Variants in RYR3 observed in about 807,000 individuals in gnomAD.
RYR3 encodes the protein brain ryanodine receptor-calcium release channel.
A neutral mutation model predicts 584.3 loss-of-function variants in RYR3; 207 were observed. That is an observed-to-expected ratio of 0.35 (90% confidence interval 0.32 to 0.40). The LOEUF is 0.40. Ranked by LOEUF, RYR3 falls within the 10% of genes least tolerant of loss-of-function variation. RYR3 has a pLI of 1.00. For synonymous variants in RYR3, 2,416 were observed against 2,248.5 expected (o/e 1.07, Z -2.11); for missense variants, 5,616 against 6,089.2 (o/e 0.92, Z 2.59).
Position 33,579,111 on chromosome 15 carries a change from G to T in RYR3, c.1269-865G>T, listed in dbSNP as rs570827626. 3.3e-5 allele frequency among the ~76,000 whole-genome samples: 5 copies of T among 152,274 alleles called. 1 individual carries two copies. In the South Asian group the frequency reaches 1.0e-3, roughly 32 times the overall value. On this transcript the variant is annotated intron_variant, in intron 12 of 103. Coordinates refer to ENST00000634891, the MANE Select transcript of RYR3 (RefSeq NM_001036.6). ...GAGATGGAAGGGCAGGTAACATGGG[G>T]TTGGGGAACACCAAGAAACAAAGAG...
At position 33,853,028 on chromosome 15, in the gene RYR3, T is replaced by A. The variant is rs2079265974; in HGVS notation, c.13629-17T>A. The A allele has an allele frequency of 5.0e-6, 8 of 1,600,100 alleles. No homozygotes were observed. Among genetic ancestry groups the A allele is most frequent in the Non-Finnish European group, 6.8e-6 (8 of 1,172,884 alleles). On this transcript the variant is annotated splice_polypyrimidine_tract_variant and intron_variant, in intron 94 of 103. Transcript: ENST00000634891. ...TGTTAAGAATGAAGAACCAACCTTT[T>A]TCGTTTTGTTTTTCAGATCTTTTCC...
At chr15:33,773,680 A>G (rs1261495656) in intron 64 of RYR3, 65 bp downstream of exon 64, 4 of 1,019,696 alleles carry the variant, frequency 3.9e-6, no homozygotes, top group Non-Finnish European at 6.0e-6. Context: ...AGCCTTTTAC[A>G]CACTTAATGA....
intron 1 of RYR3, among the ~76,000 whole-genome samples, chr15:33,404,059 A>T (rs1364024529): frequency 6.6e-6 from 1 of 152,354 alleles, no homozygotes; most frequent in South Asian, 2.1e-4. Flanking sequence ...CTGTTCTTTC[A>T]GAAGTGTTTT....
At chr15:33,705,101 T>TTCTCTCTCTCTCTC (rs10534581) in intron 42 of RYR3, among the ~76,000 whole-genome samples, 2,054 of 142,124 alleles carry the variant, frequency 0.014, 26 homozygotes, top group Admixed American at 0.017. Context: ...CACACACTCT[T>TTCTCTCTCTCTCTC]TCTCTCTCTC....
chr15:33,584,287 C>A, intron 14 of RYR3, 108 bp from the exon 15 acceptor site: 1 of 607,724 alleles, frequency 1.6e-6, no homozygotes, highest in Non-Finnish European at 2.9e-6. Context: ...GATTGGCATT[C>A]AGTTCCTTTT....
intron 32 of RYR3, among the ~76,000 whole-genome samples, chr15:33,658,940 G>A (rs7178736): frequency 0.78 from 117,894 of 151,638 alleles, 46,234 homozygotes; most frequent in East Asian, 0.86. Context: ...GGAGAATTAG[G>A]GCTTTGAGAG....
intron 101 of RYR3, 146 bp downstream of exon 101, chr15:33,860,805 T>A: frequency 1.4e-6 from 1 of 713,208 alleles, no homozygotes; most frequent in Non-Finnish European, 2.3e-6. Flanking sequence ...CTCTGCACCC[T>A]GCCATACCCC....
chr15:33,437,904 G>A (rs2045871622), intron 1 of RYR3, among the ~76,000 whole-genome samples: 1 of 152,016 alleles, frequency 6.6e-6, no homozygotes, highest in Non-Finnish European at 1.5e-5. Context: ...TAAATTTTTT[G>A]TAGAAACAGT....
chr15:33,844,792 A>T, intron 92 of RYR3, 70 bp from the exon 93 acceptor site: 1 of 1,325,066 alleles, frequency 7.5e-7, no homozygotes, highest in Non-Finnish European at 1.1e-6. Flanking sequence ...ACAATATAAA[A>T]TATGTGGGGA....
intron 16 of RYR3, among the ~76,000 whole-genome samples, chr15:33,599,507 G>A (rs549392977): frequency 3.3e-5 from 5 of 152,298 alleles, no homozygotes; most frequent in East Asian, 3.9e-4. Flanking sequence ...GACTGGAAGC[G>A]GACAGGGAAC....
At chr15:33,809,618 T>C (rs1474291652) in intron 70 of RYR3, among the ~76,000 whole-genome samples, 1 of 151,518 alleles carries the variant, frequency 6.6e-6, no homozygotes, top group Non-Finnish European at 1.5e-5. Flanking sequence ...CTCTCTTTTT[T>C]TTTTTTTTTT....
Position 33,319,234 on chromosome 15 carries a change from T to G in RYR3, c.51+8138T>G, listed in dbSNP as rs114610764. Among the ~76,000 whole-genome samples the G allele has an allele frequency of 7.1e-3, 1,082 of 152,326 alleles. 11 individuals carry two copies. Among genetic ancestry groups the G allele is most frequent in the African/African-American group, 0.025 (1,049 of 41,570 alleles). Reference sequence around the variant, plus strand: ...AAGAGAAGTATTGATTTGAATCGTGTTGCTCTATACCATGGACCAGATCCA... The same window carrying G: ...AAGAGAAGTATTGATTTGAATCGTGGTGCTCTATACCATGGACCAGATCCA... On this transcript the variant is annotated intron_variant, in intron 1 of 103. Coordinates refer to ENST00000634891, the MANE Select transcript of RYR3 (RefSeq NM_001036.6).
intron 87 of RYR3, among the ~76,000 whole-genome samples, chr15:33,835,785 GGA>G (rs1279079969): frequency 6.6e-6 from 1 of 152,200 alleles, no homozygotes. Flanking sequence ...CCTTACGGGA[GGA>G]GAGAGTTCCT....
intron 1 of RYR3, among the ~76,000 whole-genome samples, chr15:33,367,163 A>G (rs576623689): frequency 6.6e-6 from 1 of 152,230 alleles, no homozygotes; most frequent in Non-Finnish European, 1.5e-5. Context: ...CCTAGTGGCT[A>G]TGTCATCAAA....
At chr15:33,766,813 T>C (rs1262995222) in intron 60 of RYR3, among the ~76,000 whole-genome samples, 1 of 152,206 alleles carries the variant, frequency 6.6e-6, no homozygotes, top group Non-Finnish European at 1.5e-5. Flanking sequence ...GGTCTCAGAC[T>C]CTCCCTGAGA....
At chr15:33,861,253 T>C in intron 102 of RYR3, 75 bp downstream of exon 102, 1 of 1,108,268 alleles carries the variant, frequency 9.0e-7, no homozygotes. Context: ...TAGTTCAGTC[T>C]CTGCTGGAAA....
chr15:33,854,287 A>G lies in RYR3; in HGVS notation c.13800-102A>G, dbSNP rs1567330521. 5 of 825,800 alleles carry G rather than the reference A, an allele frequency of 6.1e-6. No individual in the cohort carries two copies. In the South Asian group the frequency reaches 7.9e-5, roughly 13 times the overall value. 51.2% of individuals were successfully genotyped at this position (825,800 alleles called of 1,614,324 possible). A position where few individuals can be genotyped will look rare whatever the true frequency, so the allele number is the denominator to read the frequency against. On this transcript the variant is annotated intron_variant, in intron 96 of 103. Coordinates refer to ENST00000634891, the MANE Select transcript of RYR3 (RefSeq NM_001036.6). ...CTTGATAAAGCTGAGAGCCATATTTAGGTTATTAAACCTGAGAGAAAAAAC... is the reference window on the plus strand; with the variant it reads ...CTTGATAAAGCTGAGAGCCATATTTGGGTTATTAAACCTGAGAGAAAAAAC...
chr15:33,573,525 C>T (rs962263636), intron 12 of RYR3, among the ~76,000 whole-genome samples: 3 of 152,092 alleles, frequency 2.0e-5, no homozygotes, highest in African/African-American at 4.8e-5. Flanking sequence ...ACAGTGTGAT[C>T]GATTAAGGAG....
At chr15:33,718,796 C>T (rs1020664437) in intron 43 of RYR3, among the ~76,000 whole-genome samples, 3 of 147,982 alleles carry the variant, frequency 2.0e-5, no homozygotes, top group Non-Finnish European at 2.9e-5. Context: ...TCAGGAACAT[C>T]GAAAAGAAAA....
Sources: allele counts gnomAD v4.1 joint callset (sites outside exome capture counted in the v4.1 genomes callset), GRCh38; gene constraint gnomAD v4.1.1; transcripts MANE v1.5; gene names NCBI Gene and HGNC (gene_info 2026-07-23, HGNC 2026-07-21).